Variants in AKAP19 observed in about 807,000 individuals in gnomAD.
The protein encoded by AKAP19 is small A-kinase anchoring protein.
chr2:190,085,953 A>G, the AKAP19 span, among the ~76,000 whole-genome samples: 4 of 152,214 alleles, frequency 2.6e-5, no homozygotes, highest in Non-Finnish European at 4.4e-5. Context: ...AGTGGGGCTG[A>G]AATAGCCAAA....
chr2:190,014,036 CT>C, the AKAP19 span, among the ~76,000 whole-genome samples: 2 of 152,152 alleles, frequency 1.3e-5, no homozygotes, highest in East Asian at 1.9e-4. Flanking sequence ...TTGAGATCGT[CT>C]TTTTTTATAT....
At chr2:190,198,679 T>C in the AKAP19 span, among the ~76,000 whole-genome samples, 1 of 148,704 alleles carries the variant, frequency 6.7e-6, no homozygotes, top group Admixed American at 6.7e-5. Context: ...ACAGATTTTA[T>C]GAATTTTTAG....
chr2:190,176,838 CCT>C, the AKAP19 span, among the ~76,000 whole-genome samples: 1 of 152,174 alleles, frequency 6.6e-6, no homozygotes, highest in Admixed American at 6.5e-5. The surrounding 1 kb of genome is among the most constrained non-coding windows in gnomAD (Gnocchi z 4.7). Context: ...GATATCTGGG[CCT>C]CTCAGCCAAA....
At chr2:189,939,855 TACAC>T in the AKAP19 span, among the ~76,000 whole-genome samples, 2 of 152,058 alleles carry the variant, frequency 1.3e-5, no homozygotes, top group African/African-American at 4.8e-5. Flanking sequence ...TATTTGAAAA[TACAC>T]AGTCAGTCAG....
chr2:190,122,814 T>C, the AKAP19 span, among the ~76,000 whole-genome samples: 2 of 152,006 alleles, frequency 1.3e-5, no homozygotes, highest in African/African-American at 4.8e-5. Flanking sequence ...CTCTCTCTTT[T>C]TTTTTTTTTG....
chr2:189,918,133 A>G, the AKAP19 span, among the ~76,000 whole-genome samples: 2 of 152,120 alleles, frequency 1.3e-5, no homozygotes, highest in South Asian at 2.1e-4. Context: ...TACTCTACAT[A>G]TGCTTAGAGC....
At chr2:189,939,177 A>G in the AKAP19 span, among the ~76,000 whole-genome samples, 2 of 152,198 alleles carry the variant, frequency 1.3e-5, no homozygotes, top group Admixed American at 1.3e-4. Flanking sequence ...CTGTTACTCC[A>G]CCAAAGGAGA....
At chr2:190,131,230 G>C in the AKAP19 span, among the ~76,000 whole-genome samples, 4 of 152,300 alleles carry the variant, frequency 2.6e-5, no homozygotes, top group South Asian at 8.3e-4. Context: ...TGGGCACCTA[G>C]ATGGGGAATG....
chr2:190,178,687 G>A, the AKAP19 span, among the ~76,000 whole-genome samples: 7 of 152,274 alleles, frequency 4.6e-5, no homozygotes, highest in South Asian at 2.1e-4. The surrounding 1 kb of genome is among the most constrained non-coding windows in gnomAD (Gnocchi z 6.3). Flanking sequence ...CTCATGGCCC[G>A]CTTCATCTGT....
chr2:190,097,859 C>CAAAAAAAAAAAAAAAAAAAAAA, the AKAP19 span, among the ~76,000 whole-genome samples: 20 of 64,418 alleles, frequency 3.1e-4, no homozygotes, highest in South Asian at 1.2e-3. Flanking sequence ...TGGTTTCTAC[C>CAAAAAAAAAAAAAAAAAAAAAA]AAAAAAAAAA....
chr2:190,142,352 C>T, the AKAP19 span, among the ~76,000 whole-genome samples: 2 of 152,192 alleles, frequency 1.3e-5, no homozygotes, highest in Non-Finnish European at 2.9e-5. Context: ...TCTCTGAGGA[C>T]AGTGCTTGGA....
chr2:190,109,221 T>C, the AKAP19 span, among the ~76,000 whole-genome samples: 2 of 152,190 alleles, frequency 1.3e-5, no homozygotes, highest in Non-Finnish European at 2.9e-5. Flanking sequence ...AGAATTTGTG[T>C]TAATGAAGCA....
chr2:189,936,084 T>G, the AKAP19 span, among the ~76,000 whole-genome samples: 1 of 152,158 alleles, frequency 6.6e-6, no homozygotes, highest in African/African-American at 2.4e-5. Flanking sequence ...ATTTTCTATC[T>G]AAAGATGGTA....
chr2:190,096,009 T>G, the AKAP19 span, among the ~76,000 whole-genome samples: 4 of 152,122 alleles, frequency 2.6e-5, no homozygotes, highest in Admixed American at 2.6e-4. Context: ...TAGACCTCGG[T>G]GGTGTGGGTG....
the AKAP19 span, among the ~76,000 whole-genome samples, chr2:190,119,165 G>C: frequency 6.6e-6 from 1 of 152,216 alleles, no homozygotes; most frequent in Non-Finnish European, 1.5e-5. Context: ...TGCCAGTTTA[G>C]ATAAAATGAC....
chr2:190,080,186 G>A, the AKAP19 span, among the ~76,000 whole-genome samples: 1 of 152,236 alleles, frequency 6.6e-6, no homozygotes, highest in African/African-American at 2.4e-5. Flanking sequence ...GAAGGATGTA[G>A]TTTTTTAAAT....
chr2:190,049,090 A>G, the AKAP19 span, among the ~76,000 whole-genome samples: 3 of 152,032 alleles, frequency 2.0e-5, no homozygotes, highest in Admixed American at 6.5e-5. Context: ...TAAATTCTGC[A>G]TTAAAAACGC....
chr2:189,992,639 C>T, the AKAP19 span, among the ~76,000 whole-genome samples: 2 of 152,176 alleles, frequency 1.3e-5, no homozygotes, highest in African/African-American at 4.8e-5. Context: ...AATACTGATT[C>T]TACTCATCCA....
At chr2:190,156,507 T>C in the AKAP19 span, among the ~76,000 whole-genome samples, 495 of 152,192 alleles carry the variant, frequency 3.3e-3, 2 homozygotes, top group African/African-American at 0.01. Context: ...GAATGATAAA[T>C]TAGGGGAAAT....
Sources: gnomAD v4.1 joint callset for allele counts (sites outside exome capture counted in the v4.1 genomes callset) on GRCh38, gnomAD v4.1.1 for gene constraint, Gnocchi (gnomAD v3.1) non-coding constraint, MANE v1.5 for transcripts, NCBI Gene and HGNC (gene_info 2026-07-23, HGNC 2026-07-21) for gene names.